Variants in CNTN4 observed in about 807,000 individuals in gnomAD.
CNTN4 encodes contactin-4.
CNTN4 carries 77 observed loss-of-function variants against 122.5 expected under a neutral mutation model. The observed-to-expected ratio is 0.63, with a 90% confidence interval of 0.52 to 0.76. The LOEUF (loss-of-function observed/expected upper bound fraction) is 0.76. CNTN4 is among the 30% of genes least tolerant of loss of function. The probability of loss-of-function intolerance (pLI) is 0.00; values close to 1 mark genes in which losing one functional copy is unlikely to be tolerated. For missense variants in CNTN4, 1,256 were observed against 1,259.1 expected (o/e 1.00, Z 0.04); for synonymous variants, 512 against 447.0 (o/e 1.15, Z -1.83).
chr3:2,685,308 T>C (rs925911071), intron 4 of CNTN4, among the ~76,000 whole-genome samples: 1 of 152,190 alleles, frequency 6.6e-6, no homozygotes, highest in African/African-American at 2.4e-5. Flanking sequence ...TGAGGTGTCC[T>C]AATCCACTTT....
rs1486640788 is a variant in CNTN4 at position 2,153,898 on chromosome 3, T to C, written c.-145+53259T>C. On this transcript the variant is annotated intron_variant, in intron 2 of 24. Transcript: ENST00000418658. ...TAGACAGCAGTGTGGGATCTTTAGC[T>C]TAAGGAACTTAAAAAAGTGTTTGTG... is the stretch of plus-strand genomic sequence containing the variant. Among the ~76,000 whole-genome samples the C allele has an allele frequency of 2.0e-5, 3 of 152,270 alleles. No individual in the cohort carries two copies. The East Asian group carries it at 5.8e-4, about 29-fold the overall frequency.
chr3:2,913,605 C>A (rs991192724), intron 12 of CNTN4, among the ~76,000 whole-genome samples: 1 of 152,140 alleles, frequency 6.6e-6, no homozygotes, highest in African/African-American at 2.4e-5. Flanking sequence ...TGATTCATCA[C>A]AAAGATGTAA....
intron 4 of CNTN4, among the ~76,000 whole-genome samples, chr3:2,612,083 A>G (rs1398968733): frequency 6.8e-6 from 1 of 147,822 alleles, no homozygotes; most frequent in Non-Finnish European, 1.5e-5. Context: ...AACTTAATAT[A>G]ACCAGTTTTA....
intron 14 of CNTN4, among the ~76,000 whole-genome samples, chr3:3,012,401 T>A (rs1697320071): frequency 6.6e-6 from 1 of 152,062 alleles, no homozygotes; most frequent in Admixed American, 6.5e-5. Flanking sequence ...TTTGAGCACT[T>A]TTTATGTAGC....
At position 2,413,057 on chromosome 3, in the gene CNTN4, T is replaced by C. The variant is rs552012265; in HGVS notation, c.-89+73824T>C. On this transcript the variant is annotated intron_variant, in intron 3 of 24. Coordinates refer to ENST00000418658, the MANE Select transcript of CNTN4 (RefSeq NM_175607.3). ...ATGTGTGCAGGATTCCATATGATTC[T>C]ACAGGATTCCATATGATTCTACATA... Among the ~76,000 whole-genome samples, 17 of 152,332 alleles carry C rather than the reference T, an allele frequency of 1.1e-4. No individual in the cohort carries two copies. In the South Asian group the frequency reaches 2.3e-3, roughly 20 times the overall value.
At chr3:2,923,790 A>G (rs889420807) in intron 12 of CNTN4, among the ~76,000 whole-genome samples, 4 of 152,042 alleles carry the variant, frequency 2.6e-5, no homozygotes, top group African/African-American at 9.7e-5. Flanking sequence ...TTTATATTTA[A>G]TTATGTTTGA....
intron 4 of CNTN4, among the ~76,000 whole-genome samples, chr3:2,700,792 G>T (rs2086313736): frequency 6.6e-6 from 1 of 152,154 alleles, no homozygotes; most frequent in Admixed American, 6.5e-5. Flanking sequence ...TGATGAAAAT[G>T]AAAGAAGTTT....
chr3:2,449,460 C>T (rs897004797), intron 3 of CNTN4, among the ~76,000 whole-genome samples: 1 of 151,748 alleles, frequency 6.6e-6, no homozygotes, highest in Non-Finnish European at 1.5e-5. Flanking sequence ...ACTAAAAATA[C>T]AAAAATTAGC....
intron 2 of CNTN4, among the ~76,000 whole-genome samples, chr3:2,112,184 T>G (rs1246642387): frequency 1.3e-5 from 2 of 152,294 alleles, no homozygotes; most frequent in African/African-American, 4.8e-5. Context: ...CTGAATAGGC[T>G]CTCATCTGTA....
At chr3:2,913,727 A>G (rs1003627829) in intron 12 of CNTN4, among the ~76,000 whole-genome samples, 2 of 152,218 alleles carry the variant, frequency 1.3e-5, no homozygotes, top group Non-Finnish European at 2.9e-5. Context: ...TTGATACTCT[A>G]TTTTCAATCA....
chr3:2,153,339 A>G (rs2035575577), intron 2 of CNTN4, among the ~76,000 whole-genome samples: 1 of 152,056 alleles, frequency 6.6e-6, no homozygotes, highest in Non-Finnish European at 1.5e-5. Context: ...AGGAAGGAAA[A>G]TGCCCTACAA....
At chr3:2,218,535 T>C (rs2038938996) in intron 2 of CNTN4, among the ~76,000 whole-genome samples, 1 of 152,042 alleles carries the variant, frequency 6.6e-6, no homozygotes, top group Admixed American at 6.6e-5. Context: ...AATCCATATA[T>C]TAAAAAATAA....
chr3:2,555,313 G>C (rs1421639085), intron 3 of CNTN4, among the ~76,000 whole-genome samples: 1 of 152,094 alleles, frequency 6.6e-6, no homozygotes, highest in African/African-American at 2.4e-5. Flanking sequence ...GACAATTTGA[G>C]CCGTTGGCCT....
Position 2,667,167 on chromosome 3 carries a change from C to A in CNTN4, c.56-69048C>A, listed in dbSNP as rs1576392869. 2.6e-5 allele frequency among the ~76,000 whole-genome samples: 4 copies of A among 152,216 alleles called. No individual in the cohort carries two copies. In the South Asian group the frequency reaches 6.2e-4, roughly 24 times the overall value. On this transcript the variant is annotated intron_variant, in intron 4 of 24. Coordinates refer to ENST00000418658, the MANE Select transcript of CNTN4 (RefSeq NM_175607.3). ...TCTAGATCCCTGAGGAATCGCCACACTAACTTCCACAATGGTTGAACTAGT... is the reference window on the plus strand; with the variant it reads ...TCTAGATCCCTGAGGAATCGCCACAATAACTTCCACAATGGTTGAACTAGT...
intron 6 of CNTN4, among the ~76,000 whole-genome samples, chr3:2,797,157 T>A (rs566158292): frequency 6.6e-6 from 1 of 152,068 alleles, no homozygotes; most frequent in East Asian, 1.9e-4. Flanking sequence ...TGCACCACCA[T>A]GCCCAACTAA....
intron 2 of CNTN4, among the ~76,000 whole-genome samples, chr3:2,124,967 A>C (rs116516648): frequency 0.031 from 4,713 of 152,296 alleles, 110 homozygotes; most frequent in Non-Finnish European, 0.046. Flanking sequence ...TGGTAAGATC[A>C]CTTGACATCT....
chr3:2,960,375 A>AG (rs2094840462), intron 13 of CNTN4, among the ~76,000 whole-genome samples: 1 of 151,366 alleles, frequency 6.6e-6, no homozygotes, highest in East Asian at 2.0e-4. Context: ...CTTTAGATAA[A>AG]TACAGGTTTT....
intron 3 of CNTN4, among the ~76,000 whole-genome samples, chr3:2,407,977 G>A (rs1559526218): frequency 6.6e-6 from 1 of 152,122 alleles, no homozygotes; most frequent in African/African-American, 2.4e-5. Context: ...TTTATTTAAA[G>A]TTTATTTATG....
intron 2 of CNTN4, among the ~76,000 whole-genome samples, chr3:2,145,793 C>A (rs1370403130): frequency 1.9e-5 from 2 of 106,944 alleles, no homozygotes; most frequent in Non-Finnish European, 3.8e-5. Context: ...TCCTTATCTA[C>A]CTTATGAAAT....
Sources: allele counts gnomAD v4.1 joint callset (sites outside exome capture counted in the v4.1 genomes callset), GRCh38; gene constraint gnomAD v4.1.1; transcripts MANE v1.5; gene names NCBI Gene and HGNC (gene_info 2026-07-23, HGNC 2026-07-21).